The following WT1 variants were observed in gnomAD, a reference collection of about 807,000 sequenced individuals.
WT1 encodes the protein Wilms tumor protein.
WT1 carries 8 observed loss-of-function variants against 60.8 expected under a neutral mutation model. The ratio of observed to expected loss-of-function variants is 0.13; its 90% confidence interval spans 0.08 to 0.24. The LOEUF (loss-of-function observed/expected upper bound fraction) is 0.24, where lower values mean the gene tolerates loss of function less well. Among genes scored for constraint, WT1 ranks in the 10% least tolerant of loss-of-function variants. The pLI, the probability that WT1 is intolerant of heterozygous loss-of-function variation, is 1.00. For missense variants in WT1, 568 were observed against 711.8 expected, an observed-to-expected ratio of 0.80 and a Z score of 2.30; for synonymous variants, 312 against 297.1, an observed-to-expected ratio of 1.05 and a Z score of -0.52.
chr11:32,421,825 A>C (rs946981618), intron 3 of WT1, among the ~76,000 whole-genome samples: 5 of 152,246 alleles, frequency 3.3e-5, no homozygotes, highest in African/African-American at 9.6e-5. Flanking sequence ...TATTATATTC[A>C]GCAGAATAAT....
intron 9 of WT1, among the ~76,000 whole-genome samples, 180 bp from the exon 10 acceptor site, chr11:32,389,359 G>A (rs1472219263): frequency 6.6e-6 from 1 of 152,198 alleles, no homozygotes; most frequent in African/African-American, 2.4e-5. Context: ...ACCTCTTGGG[G>A]CTTTAAGGAT....
chr11:32,397,246 C>T lies in WT1; in HGVS notation c.1114-839G>A, dbSNP rs564317546. On this transcript the variant is annotated intron_variant, in intron 6 of 9. Coordinates refer to ENST00000452863, the MANE Select transcript of WT1 (RefSeq NM_024426.6). ...GTGCCTGAGTGGCCACTAAATTCTC[C>T]TCATTCCTTTATAGATGAGTAAATC... Among the ~76,000 whole-genome samples, 24 of 152,314 alleles carry T rather than the reference C, an allele frequency of 1.6e-4. 1 individual carries two copies. Among genetic ancestry groups the T allele is most frequent in the South Asian group, 4.1e-4 (2 of 4,824 alleles).
At chr11:32,399,855 G>A (rs1564975489) in intron 6 of WT1, 93 bp downstream of exon 6, 4 of 1,371,276 alleles carry the variant, frequency 2.9e-6, no homozygotes, top group Admixed American at 1.9e-5. Context: ...AGGCTGCCAG[G>A]GCCAAAGAGT....
chr11:32,426,788 C>A (rs1853057181), intron 3 of WT1, among the ~76,000 whole-genome samples: 1 of 152,214 alleles, frequency 6.6e-6, no homozygotes, highest in African/African-American at 2.4e-5. Context: ...GAAGGAGAAC[C>A]TTAGATGCGA....
intron 2 of WT1, 42 bp downstream of exon 2, chr11:32,428,455 G>C (rs767727682): frequency 1.2e-6 from 2 of 1,613,080 alleles, no homozygotes; most frequent in South Asian, 1.1e-5. Context: ...AGGATAGCAC[G>C]GAAGAAGGGG....
chr11:32,433,455 A>AGAGCCC (rs1853376345), intron 1 of WT1, among the ~76,000 whole-genome samples: 1 of 152,246 alleles, frequency 6.6e-6, no homozygotes, highest in Non-Finnish European at 1.5e-5. Flanking sequence ...CAACAAGGGC[A>AGAGCCC]GAGCCCTTCT....
chr11:32,427,474 G>T (rs1853092739), intron 3 of WT1, among the ~76,000 whole-genome samples: 1 of 152,202 alleles, frequency 6.6e-6, no homozygotes, highest in East Asian at 1.9e-4. Context: ...CGCTGGGAAC[G>T]ACGTCCACAA....
At chr11:32,433,329 C>A (rs5030147) in intron 1 of WT1, among the ~76,000 whole-genome samples, 1 of 152,194 alleles carries the variant, frequency 6.6e-6, no homozygotes. Flanking sequence ...CAGATTCTCC[C>A]GAAGAAAAGG....
chr11:32,403,616 C>G (rs916164072), intron 5 of WT1, among the ~76,000 whole-genome samples: 1 of 149,110 alleles, frequency 6.7e-6, no homozygotes, highest in African/African-American at 2.5e-5. Flanking sequence ...GCTCTGTCGC[C>G]CAGGCTGGAG....
In WT1 at chr11:32,435,014, G is replaced by T; in HGVS notation, c.347C>A (p.Pro116Gln). The T allele has an allele frequency of 6.7e-7, 1 of 1,487,662 alleles. No individual in the cohort carries two copies. The allele number at this position is 1,487,662 out of a possible 1,614,324, so 92.2% of individuals were successfully genotyped here. A position where few individuals can be genotyped will look rare whatever the true frequency, so the allele number is the denominator to read the frequency against. The stretch of plus-strand genomic sequence containing the variant: ...CAACGACCCGTAAGCCGAAGCGCCC[G>T]GGGGCGCAAAGTCCAGCACCGGCGC... Residue 116 changes from proline to glutamine, a missense_variant, in exon 1 of 10, where the codon CCG becomes CAG. By Grantham distance (76) the Pro-to-Gln change is moderately conservative. Coordinates refer to ENST00000452863, the MANE Select transcript of WT1 (RefSeq NM_024426.6).
chr11:32,396,321 G>A lies in WT1; in HGVS notation c.1200C>T (p.Tyr400=), dbSNP rs886048227. 1.2e-6 allele frequency: 2 copies of A among 1,614,198 alleles called. No individual in the cohort carries two copies. Among genetic ancestry groups the A allele is most frequent in the Non-Finnish European group, 1.7e-6 (2 of 1,180,054 alleles). Residue 400 remains tyrosine, a synonymous_variant, in exon 7 of 10, where the codon TAC becomes TAT. Transcript: ENST00000452863. ...TAAAATATCTCTTATTGCAGCCTGG[G>A]TAAGCACACATGAAGGGGCGTTTCT...
At chr11:32,393,016 G>A (rs1220524308) in intron 7 of WT1, among the ~76,000 whole-genome samples, 3 of 149,390 alleles carry the variant, frequency 2.0e-5, no homozygotes, top group African/African-American at 7.4e-5. Flanking sequence ...TTTCTTTATT[G>A]TAAAATGGGT....
In WT1 at chr11:32,389,099, T is replaced by C. The variant is rs1554938534; in HGVS notation, c.1528A>G (p.Met510Val). 1 of 1,614,234 alleles carries C rather than the reference T, an allele frequency of 6.2e-7. No individual in the cohort carries two copies. Residue 510 changes from methionine to valine, a missense_variant, in exon 10 of 10, where the codon ATG becomes GTG. Physicochemically the swap from Met to Val is conservative, Grantham distance 21. This residue lies in a region of WT1 where 29 missense variants were observed against 46.8 expected (regional missense o/e 0.62). Coordinates refer to ENST00000452863, the MANE Select transcript of WT1 (RefSeq NM_024426.6). ...AGTTTGGTCATGTTTCTCTGATGCATGTTGTGATGGCGGACTAATTCATCT... is the reference window on the plus strand; with the variant it reads ...AGTTTGGTCATGTTTCTCTGATGCACGTTGTGATGGCGGACTAATTCATCT...
chr11:32,429,682 C>T (rs1853204598), intron 1 of WT1, among the ~76,000 whole-genome samples: 1 of 152,072 alleles, frequency 6.6e-6, no homozygotes, highest in Non-Finnish European at 1.5e-5. Context: ...GAGTCTGTGG[C>T]CTGAAGTCCA....
chr11:32,420,128 A>G (rs1469791675), intron 3 of WT1, among the ~76,000 whole-genome samples: 2 of 152,222 alleles, frequency 1.3e-5, no homozygotes, highest in Admixed American at 6.5e-5. Flanking sequence ...CATGTGACTC[A>G]TGCCACACAT....
intron 4 of WT1, among the ~76,000 whole-genome samples, chr11:32,416,924 C>T (rs1377505580): frequency 2.0e-5 from 3 of 152,190 alleles, no homozygotes; most frequent in Non-Finnish European, 4.4e-5. Flanking sequence ...ACGCTGCAGG[C>T]ACTTCATGAG....
intron 5 of WT1, among the ~76,000 whole-genome samples, chr11:32,415,892 C>T (rs1852652615): frequency 6.6e-6 from 1 of 152,030 alleles, no homozygotes; most frequent in Non-Finnish European, 1.5e-5. Context: ...AACCAAATAA[C>T]AGGACTGGGC....
At position 32,435,059 on chromosome 11, in the gene WT1, A is replaced by G; in HGVS notation, c.302T>C (p.Val101Ala). Residue 101 changes from valine to alanine, a missense_variant, in exon 1 of 10, where the codon GTG becomes GCG. Physicochemically the swap from Val to Ala is moderately conservative, Grantham distance 64. Around this residue, in one of 3 missense-constraint regions of WT1, gnomAD observed 523 missense variants for 565.1 expected, o/e 0.93. Transcript: ENST00000452863. ...CGGCGCCCACTGCGCCGCGCCGCTC[A>G]CAGGCAGGGCACAGCCGCCGCCGCC... is the stretch of plus-strand genomic sequence containing the variant. 1 of 1,471,878 alleles carries G rather than the reference A, an allele frequency of 6.8e-7. No homozygotes were observed. Among genetic ancestry groups the G allele is most frequent in the African/African-American group, 1.5e-5 (1 of 67,480 alleles). 91.2% of individuals were successfully genotyped at this position (1,471,878 alleles called of 1,614,324 possible). A position where few individuals can be genotyped will look rare whatever the true frequency, so the allele number is the denominator to read the frequency against.
chr11:32,415,480 C>T (rs1446422946), intron 5 of WT1, among the ~76,000 whole-genome samples: 2 of 152,184 alleles, frequency 1.3e-5, no homozygotes, highest in Admixed American at 1.3e-4. Flanking sequence ...GAAACCCCAT[C>T]TCTACTAAAA....
Sources: gnomAD v4.1 joint callset for allele counts (sites outside exome capture counted in the v4.1 genomes callset) on GRCh38, gnomAD v4.1.1 for gene constraint, gnomAD v4.1.1 regional missense constraint, MANE v1.5 for transcripts, NCBI Gene and HGNC (gene_info 2026-07-23, HGNC 2026-07-21) for gene names.